The following TM9SF3 variants were observed in gnomAD, a reference collection of about 807,000 sequenced individuals.
TM9SF3 encodes SM-11044-binding protein.
Under a neutral mutation model 78.6 loss-of-function variants are expected in TM9SF3, and 14 were observed. The observed-to-expected ratio is 0.18, with a 90% CI of 0.12 to 0.28. TM9SF3 has a LOEUF of 0.28. Ranked by LOEUF, TM9SF3 falls within the 10% of genes least tolerant of loss-of-function variation. The pLI is 1.00. For synonymous variants in TM9SF3, 231 were observed against 241.7 expected (o/e 0.96, Z 0.41); for missense variants, 496 against 721.9 (o/e 0.69, Z 3.59).
intron 9 of TM9SF3, among the ~76,000 whole-genome samples, chr10:96,533,422 C>T (rs1330537039): frequency 2.6e-5 from 4 of 152,142 alleles, no homozygotes; most frequent in Non-Finnish European, 4.4e-5. Context: ...GTTTTCCATT[C>T]TTTCCTATTC....
Position 96,519,038 on chromosome 10 carries a change from CAGAATTCATA to C in TM9SF3, c.*3215_*3224del, listed in dbSNP as rs1457095947. ...AGATTACAAATGGGTCTCCCCACCA[CAGAATTCATA>C]TACAAAAGCCCTTCGGTATGTAGCT... is the stretch of plus-strand genomic sequence containing the variant. On this transcript the variant is annotated 3_prime_UTR_variant, in exon 15 of 15. Coordinates refer to ENST00000371142, the MANE Select transcript of TM9SF3 (RefSeq NM_020123.4). The C allele has an allele frequency of 6.6e-6, 1 of 152,078 alleles. No individual in the cohort carries two copies. Among genetic ancestry groups the C allele is most frequent in the African/African-American group, 2.4e-5 (1 of 41,458 alleles). 9.4% of individuals were successfully genotyped at this position (152,078 alleles called of 1,614,324 possible).
chr10:96,574,548 T>C (rs1239597088), intron 2 of TM9SF3, among the ~76,000 whole-genome samples: 1 of 152,200 alleles, frequency 6.6e-6, no homozygotes, highest in Non-Finnish European at 1.5e-5. Flanking sequence ...AGAAATACCA[T>C]TTGACCCAGC....
chr10:96,528,130 T>C lies in TM9SF3; in HGVS notation c.1442A>G (p.Tyr481Cys), dbSNP rs1052272150. 3 of 1,612,560 alleles carry C rather than the reference T, an allele frequency of 1.9e-6. No homozygotes were observed. The highest frequency in any genetic ancestry group is 2.2e-5 in the East Asian group (1 of 44,826). ...AACCAGCACCAGCATCATGAAGCCA[T>C]AGACATAATAGATCTTATATGCCCA... is the stretch of plus-strand genomic sequence containing the variant. Reference protein sequence around the residue: ...SFWAYKIYYVYGFMMLVLVIL... With the variant: ...SFWAYKIYYVCGFMMLVLVIL... Residue 481 changes from tyrosine (Y) to cysteine (C), a missense_variant, in exon 12 of 15, where the codon TAT becomes TGT. Coordinates refer to ENST00000371142, the MANE Select transcript of TM9SF3 (RefSeq NM_020123.4).
intron 9 of TM9SF3, among the ~76,000 whole-genome samples, chr10:96,540,463 C>CT (rs1848011146): frequency 6.6e-6 from 1 of 152,224 alleles, no homozygotes; most frequent in African/African-American, 2.4e-5. Flanking sequence ...GACTTTCAAG[C>CT]TAAGGCAGCT....
chr10:96,567,861 T>A (rs1433686247), intron 2 of TM9SF3, among the ~76,000 whole-genome samples: 1 of 152,226 alleles, frequency 6.6e-6, no homozygotes, highest in African/African-American at 2.4e-5. Flanking sequence ...GCAAAGGAAA[T>A]CACTACACAT....
rs974055152 is a variant in TM9SF3, at chr10:96,522,009, G to A, written c.*254C>T. On this transcript the variant is annotated 3_prime_UTR_variant, in exon 15 of 15. Transcript: ENST00000371142. Reference sequence around the variant, plus strand: ...TCTTTAATGAGCTAGTTTTTGGGAAGATTAGCCATGTACTGTAGTAATGCC... The same window carrying A: ...TCTTTAATGAGCTAGTTTTTGGGAAAATTAGCCATGTACTGTAGTAATGCC... 16 of 425,004 alleles carry A rather than the reference G, an allele frequency of 3.8e-5. No homozygotes were observed. The highest frequency in any genetic ancestry group is 6.6e-5 in the Non-Finnish European group (16 of 241,018). 26.3% of individuals were successfully genotyped at this position (425,004 alleles called of 1,614,324 possible).
chr10:96,560,342 C>T, intron 4 of TM9SF3: 1 of 741,154 alleles, frequency 1.3e-6, no homozygotes, highest in Non-Finnish European at 2.5e-6. Flanking sequence ...GGGGCTGGTG[C>T]AAAGGATGAA....
At chr10:96,560,441 G>A (rs949331909) in intron 4 of TM9SF3, 7 of 753,026 alleles carry the variant, frequency 9.3e-6, no homozygotes, top group Admixed American at 1.7e-5. Context: ...CACAGCCAAC[G>A]GTTTCCCTTG....
At chr10:96,552,874 A>C (rs1420249374) in intron 6 of TM9SF3, 54 bp downstream of exon 6, 3 of 1,414,018 alleles carry the variant, frequency 2.1e-6, no homozygotes, top group African/African-American at 3.0e-5. Context: ...CAACATTTAA[A>C]ACTTAACACT....
chr10:96,530,162 C>T (rs759116199), intron 11 of TM9SF3, among the ~76,000 whole-genome samples: 75 of 152,168 alleles, frequency 4.9e-4, no homozygotes, highest in African/African-American at 1.8e-3. Context: ...AGGGCCTAGA[C>T]GGACTAGTAG....
chr10:96,556,560 C>T (rs139357001), intron 5 of TM9SF3, among the ~76,000 whole-genome samples: 5 of 152,208 alleles, frequency 3.3e-5, no homozygotes, highest in East Asian at 3.9e-4. Context: ...TTAAGGAAAA[C>T]GATGCAGTAT....
chr10:96,582,641 A>G (rs1848583805), intron 1 of TM9SF3, among the ~76,000 whole-genome samples: 1 of 152,250 alleles, frequency 6.6e-6, no homozygotes, highest in Admixed American at 6.5e-5. Flanking sequence ...TCTGTAATGC[A>G]TATGATTCAA....
intron 9 of TM9SF3, 184 bp downstream of exon 9, chr10:96,543,892 A>T: frequency 2.3e-6 from 1 of 441,424 alleles, no homozygotes; most frequent in Non-Finnish European, 3.6e-6. Context: ...CTATAGGTTT[A>T]AACTTAACCA....
intron 2 of TM9SF3, among the ~76,000 whole-genome samples, chr10:96,572,972 T>C (rs919383064): frequency 3.3e-5 from 5 of 152,134 alleles, no homozygotes; most frequent in African/African-American, 7.2e-5. Context: ...TAATCATCAT[T>C]TTACAAAACG....
Position 96,520,600 on chromosome 10 carries a change from T to C in TM9SF3, c.*1663A>G, listed in dbSNP as rs1847754052. 3.6e-6 allele frequency: 1 copy of C among 276,610 alleles called. No homozygotes were observed. Among genetic ancestry groups the C allele is most frequent in the Non-Finnish European group, 6.5e-6 (1 of 154,182 alleles). 17.1% of individuals were successfully genotyped at this position (276,610 alleles called of 1,614,324 possible). A position where few individuals can be genotyped will look rare whatever the true frequency, so the allele number is the denominator to read the frequency against. The stretch of plus-strand genomic sequence containing the variant: ...AGGTGGTCATTTGCATAGCAAACTA[T>C]TAAACTAGAAACTCAGTGGTTCTAG... On this transcript the variant is annotated 3_prime_UTR_variant, in exon 15 of 15. Transcript: ENST00000371142.
chr10:96,579,558 A>AT (rs1405823771), intron 1 of TM9SF3, among the ~76,000 whole-genome samples: 1 of 152,222 alleles, frequency 6.6e-6, no homozygotes, highest in Admixed American at 6.5e-5. Context: ...CATTTTAAAC[A>AT]TTCAGGAATC....
intron 2 of TM9SF3, among the ~76,000 whole-genome samples, chr10:96,575,327 C>G (rs1294108433): frequency 6.6e-6 from 1 of 152,092 alleles, no homozygotes; most frequent in African/African-American, 2.4e-5. Context: ...TGACTAAATA[C>G]TTAAATTACC....
chr10:96,575,488 T>C (rs149242579), intron 2 of TM9SF3, among the ~76,000 whole-genome samples: 84 of 151,970 alleles, frequency 5.5e-4, no homozygotes, highest in Middle Eastern at 3.4e-3. Context: ...AGAATGTAAA[T>C]AGATACGGTA....
intron 14 of TM9SF3, among the ~76,000 whole-genome samples, chr10:96,522,560 T>C (rs913292268): frequency 7.2e-5 from 11 of 151,886 alleles, no homozygotes; most frequent in Non-Finnish European, 1.0e-4. Context: ...CAAGTAGCAA[T>C]TATTTCTTGT....
Sources: gnomAD v4.1 joint callset for allele counts (sites outside exome capture counted in the v4.1 genomes callset) on GRCh38, gnomAD v4.1.1 for gene constraint, MANE v1.5 for transcripts, NCBI Gene and HGNC (gene_info 2026-07-23, HGNC 2026-07-21) for gene names.